The following DAB1 variants were observed in gnomAD, a reference collection of about 807,000 sequenced individuals.
DAB1 encodes disabled homolog 1.
DAB1 carries 15 observed loss-of-function variants against 64.6 expected under a neutral mutation model. The observed-to-expected ratio is 0.23, with a 90% CI of 0.16 to 0.36. The LOEUF (loss-of-function observed/expected upper bound fraction) is 0.36. Among genes scored for constraint, DAB1 ranks in the 10% least tolerant of loss-of-function variants. The pLI, the probability that DAB1 is intolerant of heterozygous loss-of-function variation, is 1.00. For missense variants in DAB1, 596 were observed against 706.7 expected (o/e 0.84, Z 1.78); for synonymous variants, 235 against 251.9 (o/e 0.93, Z 0.64).
intron 7 of DAB1, among the ~76,000 whole-genome samples, chr1:57,583,223 A>G (rs1645334501): frequency 6.6e-6 from 1 of 151,954 alleles, no homozygotes; most frequent in African/African-American, 2.4e-5. Context: ...GCATACATGT[A>G]CAAACTTACT....
intron 7 of DAB1, among the ~76,000 whole-genome samples, chr1:57,501,758 T>C (rs1326173138): frequency 6.6e-6 from 1 of 152,202 alleles, no homozygotes; most frequent in Non-Finnish European, 1.5e-5. Context: ...CCAAAACATT[T>C]CAAAGGCTTT....
chr1:58,446,318 C>A (rs1301895555), intron 3 of DAB1, among the ~76,000 whole-genome samples: 1 of 152,174 alleles, frequency 6.6e-6, no homozygotes, highest in Non-Finnish European at 1.5e-5. Context: ...AAATAAATTT[C>A]TCAGTAAATA....
intron 2 of DAB1, among the ~76,000 whole-genome samples, chr1:57,184,070 C>T (rs950220418): frequency 6.7e-6 from 1 of 148,396 alleles, no homozygotes; most frequent in Non-Finnish European, 1.5e-5. Context: ...AAATCAACAA[C>T]ACGACTTTTC....
At chr1:57,618,650 G>A (rs901503608) in intron 7 of DAB1, among the ~76,000 whole-genome samples, 10 of 152,118 alleles carry the variant, frequency 6.6e-5, no homozygotes, top group Non-Finnish European at 1.0e-4. Flanking sequence ...ATAAATGAGA[G>A]CAGGAGAGAG....
At chr1:57,364,481 G>GATATC (rs1679807726) in intron 1 of DAB1, among the ~76,000 whole-genome samples, 1 of 152,138 alleles carries the variant, frequency 6.6e-6, no homozygotes, top group South Asian at 2.1e-4. Context: ...CACGCAGGCA[G>GATATC]AGGAAAGATA....
At chr1:57,695,278 A>AG (rs1557427585) in intron 6 of DAB1, among the ~76,000 whole-genome samples, 11 of 77,898 alleles carry the variant, frequency 1.4e-4, no homozygotes, top group African/African-American at 5.6e-4. Flanking sequence ...GGAAGGAAGG[A>AG]AGGAAGAAAG....
intron 7 of DAB1, among the ~76,000 whole-genome samples, chr1:57,559,792 A>G (rs987658076): frequency 2.0e-5 from 3 of 152,228 alleles, no homozygotes; most frequent in Non-Finnish European, 4.4e-5. Flanking sequence ...GGAAAAGCCA[A>G]ATGGAAGCCA....
chr1:57,218,935 G>A (rs1014462195), intron 2 of DAB1, among the ~76,000 whole-genome samples: 1 of 152,080 alleles, frequency 6.6e-6, no homozygotes. Flanking sequence ...ATCCTGCTCT[G>A]GTCTGGAATT....
At chr1:57,737,793 T>C (rs1647769051) in intron 6 of DAB1, among the ~76,000 whole-genome samples, 1 of 152,188 alleles carries the variant, frequency 6.6e-6, no homozygotes, top group Non-Finnish European at 1.5e-5. Context: ...GTCATTTCAC[T>C]TTATTATACC....
intron 9 of DAB1, among the ~76,000 whole-genome samples, chr1:57,062,206 T>C (rs1650471153): frequency 6.6e-6 from 1 of 152,226 alleles, no homozygotes; most frequent in South Asian, 2.1e-4. Context: ...CCAGATCCAC[T>C]GGACCTTGTT....
intron 6 of DAB1, among the ~76,000 whole-genome samples, chr1:57,759,932 T>C (rs2101815845): frequency 6.6e-6 from 1 of 152,172 alleles, no homozygotes; most frequent in East Asian, 1.9e-4. Flanking sequence ...GAGCAACGCA[T>C]TGGAACGTAT....
chr1:57,630,814 G>A (rs2101627887), intron 7 of DAB1, among the ~76,000 whole-genome samples: 1 of 152,222 alleles, frequency 6.6e-6, no homozygotes, highest in Non-Finnish European at 1.5e-5. Flanking sequence ...AAAATTGTAG[G>A]TATTAATATC....
At chr1:58,480,890 C>T (rs1645468744) in intron 3 of DAB1, 1 of 716,320 alleles carries the variant, frequency 1.4e-6, no homozygotes, top group Non-Finnish European at 2.3e-6. Flanking sequence ...CTTCAAACAT[C>T]ATTTTTTAAA....
At chr1:57,690,435 T>C (rs1387857586) in intron 6 of DAB1, among the ~76,000 whole-genome samples, 3 of 152,124 alleles carry the variant, frequency 2.0e-5, no homozygotes, top group Non-Finnish European at 2.9e-5. Context: ...TAAAAGTGTA[T>C]AGCATCTCCC....
chr1:57,369,576 A>G (rs1680330430), intron 1 of DAB1, among the ~76,000 whole-genome samples: 1 of 152,200 alleles, frequency 6.6e-6, no homozygotes, highest in African/African-American at 2.4e-5. Context: ...AGAAAAAACA[A>G]CTAACATTCT....
chr1:57,250,628 C>T (rs553673925), intron 2 of DAB1, among the ~76,000 whole-genome samples: 1 of 152,288 alleles, frequency 6.6e-6, no homozygotes, highest in African/African-American at 2.4e-5. Context: ...TTTCCCTATA[C>T]TCTAGTAAGA....
chr1:57,731,232 T>C (rs1049449009), intron 6 of DAB1, among the ~76,000 whole-genome samples: 1 of 152,140 alleles, frequency 6.6e-6, no homozygotes, highest in African/African-American at 2.4e-5. Flanking sequence ...AGGGCAAATA[T>C]TGCATGATTC....
intron 5 of DAB1, among the ~76,000 whole-genome samples, chr1:58,039,155 T>G (rs1647094025): frequency 6.6e-6 from 1 of 152,140 alleles, no homozygotes; most frequent in Non-Finnish European, 1.5e-5. Context: ...CTAGAGATAG[T>G]AACAAACTCT....
chr1:58,428,129 A>G (rs1231696773), intron 3 of DAB1, among the ~76,000 whole-genome samples: 1 of 152,252 alleles, frequency 6.6e-6, no homozygotes, highest in Non-Finnish European at 1.5e-5. Context: ...ATTCTGATAA[A>G]TTAAGAAAGA....
Sources: allele counts gnomAD v4.1 joint callset (sites outside exome capture counted in the v4.1 genomes callset), GRCh38; gene constraint gnomAD v4.1.1; transcripts MANE v1.5; gene names NCBI Gene and HGNC (gene_info 2026-07-23, HGNC 2026-07-21).